Variants in NOC4L observed in about 807,000 individuals in gnomAD.
The protein encoded by NOC4L is nucleolar complex protein 4 homolog.
A neutral mutation model predicts 62.8 loss-of-function variants in NOC4L; 40 were observed. That is an observed-to-expected ratio of 0.64 (90% CI 0.49 to 0.83). The LOEUF is 0.83. NOC4L is among the 40% of genes least tolerant of loss of function. The pLI is 0.00. For missense variants in NOC4L, 927 were observed against 701.9 expected, an observed-to-expected ratio of 1.32 and a Z score of -3.62; for synonymous variants, 433 against 299.8, an observed-to-expected ratio of 1.44 and a Z score of -4.59.
Position 132,151,418 on chromosome 12 carries a change from G to A in NOC4L, c.1073+50G>A, listed in dbSNP as rs199980552. The A allele has an allele frequency of 3.0e-4, 477 of 1,602,102 alleles. 1 individual carries two copies. The African/African-American group carries it at 5.3e-3, about 18-fold the overall frequency. ...GCCCTGCTCTGTGCGGCTGCAGCCT[G>A]GGGCCAGGGGAGGGTGGTGGGGGCT... is the stretch of plus-strand genomic sequence containing the variant. On this transcript the variant is annotated intron_variant, in intron 11 of 14. Coordinates refer to ENST00000330579, the MANE Select transcript of NOC4L (RefSeq NM_024078.3).
rs1565957802 is a variant in NOC4L at position 132,145,617 on chromosome 12, C to T, written c.297C>T (p.Cys99=). The stretch of plus-strand genomic sequence containing the variant: ...GGATGAGACACCGCTATCACAGCTG[C>T]TGCAATCGCTTGGGAGAGCTCCTGG... ...KVWMRHRYHS[C]CNRLGELLGH... is the part of the protein sequence containing the mutation. Residue 99 remains cysteine (C), a synonymous_variant, in exon 3 of 15, where the codon TGC becomes TGT. Transcript: ENST00000330579. 1.2e-6 allele frequency: 2 copies of T among 1,613,578 alleles called. No individual in the cohort carries two copies. The highest frequency in any genetic ancestry group is 4.5e-5 in the East Asian group (2 of 44,870).
intron 8 of NOC4L, 40 bp from the exon 9 acceptor site, chr12:132,148,744 C>T (rs1897825194): frequency 4.8e-6 from 2 of 412,830 alleles, no homozygotes; most frequent in African/African-American, 2.3e-5. Flanking sequence ...CCGGCCCCCG[C>T]CCACCCGCCC....
At chr12:132,151,672 G>C in intron 12 of NOC4L, 28 bp downstream of exon 12, 1 of 1,611,546 alleles carries the variant, frequency 6.2e-7, no homozygotes, top group South Asian at 1.1e-5. Context: ...CGGAGGCTGG[G>C]CTGGAGCTGG....
At chr12:132,144,783 T>C in intron 1 of NOC4L, 71 bp from the exon 2 acceptor site, 1 of 1,540,232 alleles carries the variant, frequency 6.5e-7, no homozygotes, top group Non-Finnish European at 8.7e-7. Flanking sequence ...AGGGAACGGG[T>C]TGGGGGCAGC....
At chr12:132,144,661 G>C (rs1336387266) in intron 1 of NOC4L, 56 bp downstream of exon 1, 69 of 1,459,488 alleles carry the variant, frequency 4.7e-5, no homozygotes, top group Non-Finnish European at 5.9e-5. Flanking sequence ...GGACTTGAAT[G>C]GGGGGCTGCG....
At chr12:132,146,734 C>G (rs962273758) in intron 3 of NOC4L, among the ~76,000 whole-genome samples, 1 of 152,180 alleles carries the variant, frequency 6.6e-6, no homozygotes, top group Non-Finnish European at 1.5e-5. Flanking sequence ...AACACGGGGT[C>G]TAAGTTTGTT....
intron 5 of NOC4L, 49 bp downstream of exon 5, chr12:132,147,831 A>C: frequency 6.2e-7 from 1 of 1,610,554 alleles, no homozygotes; most frequent in Non-Finnish European, 8.5e-7. Flanking sequence ...CCTCCCAGGG[A>C]GGCAGGGACT....
rs773991662 is a variant in NOC4L at position 132,152,409 on chromosome 12, C to A, written c.*8C>A. On this transcript the variant is annotated 3_prime_UTR_variant, in exon 15 of 15. Transcript: ENST00000330579. ...CACTTCACGCTCAGCTGACCCTGGC[C>A]CACCTGTGAATAAATCTCAGCTGAC... 3 of 1,571,450 alleles carry A rather than the reference C, an allele frequency of 1.9e-6. No homozygotes were observed. The South Asian group carries it at 3.5e-5, about 18-fold the overall frequency.
At chr12:132,148,149 GGT>G (rs1897797155) in intron 7 of NOC4L, 43 bp downstream of exon 7, 3 of 1,605,196 alleles carry the variant, frequency 1.9e-6, no homozygotes, top group South Asian at 2.2e-5. Context: ...CGGGTTTGGG[GGT>G]GTGTGTGGGG....
intron 3 of NOC4L, chr12:132,146,301 G>A (rs1431180088): frequency 2.2e-6 from 1 of 456,044 alleles, no homozygotes; most frequent in South Asian, 1.5e-5. Flanking sequence ...CGTGTTCGAA[G>A]TTCGTTCTCT....
intron 1 of NOC4L, 98 bp downstream of exon 1, chr12:132,144,703 G>C: frequency 1.4e-6 from 2 of 1,427,990 alleles, no homozygotes; most frequent in East Asian, 2.5e-5. Flanking sequence ...CCGAGACGGC[G>C]TTGGGGGGTC....
chr12:132,148,934 C>G (rs1565960413), intron 9 of NOC4L, 39 bp downstream of exon 9: 1 of 551,244 alleles, frequency 1.8e-6, no homozygotes, highest in African/African-American at 2.2e-5. Context: ...ACCCCTAATC[C>G]CCTCGGTGAG....
Position 132,151,801 on chromosome 12 carries a change from G to C in NOC4L, c.1298G>C (p.Ser433Thr). 1 of 1,612,050 alleles carries C rather than the reference G, an allele frequency of 6.2e-7. No homozygotes were observed. The highest frequency in any genetic ancestry group is 8.5e-7 in the Non-Finnish European group (1 of 1,179,696). Residue 433 changes from serine to threonine, a missense_variant, in exon 13 of 15, where the codon AGC (serine) becomes ACC (threonine). Transcript: ENST00000330579. Reference protein sequence around the residue: ...EDPAQSRALESSLWELQALQR... With the variant: ...EDPAQSRALETSLWELQALQR... ...CCAGCCCAGAGCCGGGCCTTGGAGAGCTCCCTGTGGGAGCTTCAGGTGAGG... is the reference window on the plus strand; with the variant it reads ...CCAGCCCAGAGCCGGGCCTTGGAGACCTCCCTGTGGGAGCTTCAGGTGAGG...
At position 132,144,496 on chromosome 12, in the gene NOC4L, G is replaced by C; in HGVS notation, c.8G>C (p.Arg3Pro). 3 of 1,524,684 alleles carry C rather than the reference G, an allele frequency of 2.0e-6. No homozygotes were observed. Among genetic ancestry groups the C allele is most frequent in the East Asian group, 2.6e-5 (1 of 38,604 alleles). 94.4% of individuals were successfully genotyped at this position (1,524,684 alleles called of 1,614,324 possible). A position where few individuals can be genotyped will look rare whatever the true frequency, so the allele number is the denominator to read the frequency against. ...TTCCGTGTTGGGGGCGGCATGGAGC[G>C]GGAGCCGGGCGCCGCGGGAGTTCGC... ME[R>P]EPGAAGVRRA... Residue 3 changes from arginine (R) to proline (P), a missense_variant, in exon 1 of 15, where the codon CGG becomes CCG. Arg to Pro is a moderately radical substitution (Grantham distance 103). Coordinates refer to ENST00000330579, the MANE Select transcript of NOC4L (RefSeq NM_024078.3).
Position 132,147,393 on chromosome 12 carries a change from G to A in NOC4L, c.453+5G>A. 4.4e-6 allele frequency: 7 copies of A among 1,574,284 alleles called. No individual in the cohort carries two copies. Among genetic ancestry groups the A allele is most frequent in the Non-Finnish European group, 6.0e-6 (7 of 1,158,422 alleles). On this transcript the variant is annotated splice_donor_5th_base_variant and intron_variant, in intron 4 of 14. Coordinates refer to ENST00000330579, the MANE Select transcript of NOC4L (RefSeq NM_024078.3). ...TTCCCCCGAGAGCTCTTCAAGGTGAGGGCCTTGCTGGGGACTCCCAGAGGG... is the reference window on the plus strand; with the variant it reads ...TTCCCCCGAGAGCTCTTCAAGGTGAAGGCCTTGCTGGGGACTCCCAGAGGG...
chr12:132,151,729 C>T lies in NOC4L; in HGVS notation c.1235-9C>T. ...GGACGGCAGACAAGGGCCCACGTCT[C>T]ATTCCTAGAGTTGGACGCCGACCCC... is the stretch of plus-strand genomic sequence containing the variant. On this transcript the variant is annotated splice_polypyrimidine_tract_variant and intron_variant, in intron 12 of 14. Coordinates refer to ENST00000330579, the MANE Select transcript of NOC4L (RefSeq NM_024078.3). 1 of 1,612,402 alleles carries T rather than the reference C, an allele frequency of 6.2e-7. No individual in the cohort carries two copies.
chr12:132,146,230 C>T (rs747939709), intron 3 of NOC4L: 29 of 455,828 alleles, frequency 6.4e-5, no homozygotes, highest in South Asian at 3.7e-4. Flanking sequence ...AATGGGTTTG[C>T]TTTTTTTAGA....
At chr12:132,150,846 C>T (rs996786834) in intron 9 of NOC4L, 135 bp from the exon 10 acceptor site, 44 of 692,770 alleles carry the variant, frequency 6.4e-5, no homozygotes, top group Non-Finnish European at 1.0e-4. Flanking sequence ...TGGTCTCCAG[C>T]TTTGTGTCCG....
At chr12:132,145,061 C>G in intron 2 of NOC4L, 87 bp downstream of exon 2, 2 of 1,474,354 alleles carry the variant, frequency 1.4e-6, no homozygotes, top group Admixed American at 2.2e-5. Context: ...GCCCCCAACC[C>G]TGGCACAGGC....
Sources: allele counts gnomAD v4.1 joint callset (sites outside exome capture counted in the v4.1 genomes callset), GRCh38; gene constraint gnomAD v4.1.1; transcripts MANE v1.5; gene names NCBI Gene and HGNC (gene_info 2026-07-23, HGNC 2026-07-21).